GREM2: variants seen among roughly 807,000 people sequenced by gnomAD.
The protein encoded by GREM2 is gremlin 2, DAN family BMP antagonist.
In GREM2, 11 loss-of-function variants were observed where a neutral mutation model predicts 14.2. That is an observed-to-expected ratio of 0.78 (90% CI 0.49 to 1.28). The LOEUF (loss-of-function observed/expected upper bound fraction) is 1.28. Among genes scored for constraint, GREM2 ranks in the 50% most tolerant of loss-of-function variants. The pLI is 0.00. For synonymous variants in GREM2, 98 were observed against 97.6 expected, an observed-to-expected ratio of 1.00 and a Z score of -0.02; for missense variants, 210 against 218.5, an observed-to-expected ratio of 0.96 and a Z score of 0.24.
At chr1:240,552,352 G>T (rs748079011) in intron 1 of GREM2, among the ~76,000 whole-genome samples, 11 of 152,056 alleles carry the variant, frequency 7.2e-5, no homozygotes, top group South Asian at 2.1e-4. Context: ...AGGCTGAGGT[G>T]GGGGGGTCGC....
chr1:240,607,009 G>A (rs1327487167), intron 1 of GREM2, among the ~76,000 whole-genome samples: 1 of 152,190 alleles, frequency 6.6e-6, no homozygotes, highest in Admixed American at 6.5e-5. Context: ...ATGCTTGACT[G>A]TGTCACTTTT....
chr1:240,609,205 C>T (rs769666799), intron 1 of GREM2, among the ~76,000 whole-genome samples: 2 of 152,040 alleles, frequency 1.3e-5, no homozygotes, highest in African/African-American at 4.8e-5. Context: ...CACCCGCTCA[C>T]GTTCCATCCC....
chr1:240,553,939 A>G (rs945790866), intron 1 of GREM2, among the ~76,000 whole-genome samples: 1 of 152,182 alleles, frequency 6.6e-6, no homozygotes, highest in Non-Finnish European at 1.5e-5. Flanking sequence ...GTCAAGAGTG[A>G]GCAATCAGCT....
intron 1 of GREM2, among the ~76,000 whole-genome samples, chr1:240,541,705 G>A (rs1192083474): frequency 6.6e-6 from 1 of 151,276 alleles, no homozygotes; most frequent in Non-Finnish European, 1.5e-5. Flanking sequence ...TTTTTTTGAA[G>A]TAAGTATACT....
At chr1:240,514,282 T>G in intron 1 of GREM2, among the ~76,000 whole-genome samples, 1 of 122,626 alleles carries the variant, frequency 8.2e-6, no homozygotes, top group South Asian at 2.7e-4. Flanking sequence ...GTTTCAGAAA[T>G]AAAAACAACG....
chr1:240,542,600 C>T lies in GREM2; in HGVS notation c.-1-49124G>A, dbSNP rs184123959. On this transcript the variant is annotated intron_variant, in intron 1 of 1. Coordinates refer to ENST00000318160, the MANE Select transcript of GREM2 (RefSeq NM_022469.4). This position sits in a 1 kb window ranked among gnomAD's most constrained non-coding sequence, Gnocchi z 4.1. ...CCTGCACTCCAGCCTAGTGACAGAG[C>T]GAGACTCCATCTCAAAAATAAATAA... 6.5e-4 allele frequency among the ~76,000 whole-genome samples: 98 copies of T among 151,676 alleles called. No homozygotes were observed. Among genetic ancestry groups the T allele is most frequent in the South Asian group, 3.1e-3 (15 of 4,788 alleles).
chr1:240,546,438 C>CA (rs1558157448), intron 1 of GREM2, among the ~76,000 whole-genome samples: 1 of 152,058 alleles, frequency 6.6e-6, no homozygotes, highest in African/African-American at 2.4e-5. Flanking sequence ...CCCAGTGCTA[C>CA]ACTCACACCC....
chr1:240,597,333 A>G (rs1247410091), intron 1 of GREM2, among the ~76,000 whole-genome samples: 2 of 152,226 alleles, frequency 1.3e-5, no homozygotes, highest in African/African-American at 4.8e-5. Flanking sequence ...TTGTAGTTCC[A>G]GGAGCTAGGA....
intron 1 of GREM2, among the ~76,000 whole-genome samples, chr1:240,571,352 C>G (rs1407209689): frequency 6.6e-6 from 1 of 152,058 alleles, no homozygotes; most frequent in Admixed American, 6.6e-5. Context: ...TCTAAGATTC[C>G]TCTAAAATAA....
chr1:240,503,648 C>T (rs1180206963), intron 1 of GREM2, among the ~76,000 whole-genome samples: 1 of 152,164 alleles, frequency 6.6e-6, no homozygotes, highest in East Asian at 1.9e-4. Context: ...GTTCTATCTA[C>T]CACATGCAAG....
At chr1:240,526,430 C>T (rs1678223040) in intron 1 of GREM2, among the ~76,000 whole-genome samples, 1 of 152,192 alleles carries the variant, frequency 6.6e-6, no homozygotes, top group Admixed American at 6.5e-5. Context: ...GCTCAGTCTT[C>T]ACTGTGCCTT....
chr1:240,503,669 A>G (rs1038519547), intron 1 of GREM2, among the ~76,000 whole-genome samples: 4 of 151,942 alleles, frequency 2.6e-5, no homozygotes, highest in Admixed American at 2.6e-4. Context: ...GCTGCTTTCC[A>G]CTCCCATATA....
At chr1:240,534,843 A>C (rs13374186) in intron 1 of GREM2, among the ~76,000 whole-genome samples, 1 of 152,126 alleles carries the variant, frequency 6.6e-6, no homozygotes, top group Admixed American at 6.5e-5. Context: ...ATGGGCGGGA[A>C]GAAGGGACAG....
At chr1:240,533,487 C>A (rs1678407644) in intron 1 of GREM2, among the ~76,000 whole-genome samples, 1 of 152,106 alleles carries the variant, frequency 6.6e-6, no homozygotes, top group African/African-American at 2.4e-5. Context: ...CCTGAAGAAA[C>A]GAGGGAGTCC....
intron 1 of GREM2, among the ~76,000 whole-genome samples, chr1:240,511,006 G>A (rs763951347): frequency 1.2e-4 from 19 of 152,296 alleles, no homozygotes; most frequent in Non-Finnish European, 2.5e-4. Flanking sequence ...AACTTTCAAT[G>A]ACTATCTAAT....
At chr1:240,588,182 G>A (rs1011536954) in intron 1 of GREM2, among the ~76,000 whole-genome samples, 2 of 152,150 alleles carry the variant, frequency 1.3e-5, no homozygotes, top group African/African-American at 4.8e-5. Flanking sequence ...TCAGTGTTTT[G>A]CACTGTTTTT....
chr1:240,569,786 G>C (rs758018538), intron 1 of GREM2, among the ~76,000 whole-genome samples: 25 of 152,150 alleles, frequency 1.6e-4, no homozygotes, highest in Non-Finnish European at 3.1e-4. Context: ...TGTGTTAGGA[G>C]ATTTCTTATA....
At position 240,542,067 on chromosome 1, in the gene GREM2, G is replaced by A. The variant is rs1157023871; in HGVS notation, c.-1-48591C>T. Among the ~76,000 whole-genome samples, 1 of 152,028 alleles carries A rather than the reference G, an allele frequency of 6.6e-6. No individual in the cohort carries two copies. Among genetic ancestry groups the A allele is most frequent in the Non-Finnish European group, 1.5e-5 (1 of 68,000 alleles). ...TTTGTCAATGTGTGGAGGCATTTTTGGTCATCACCACTATGACGGCTGCTA... is the reference window on the plus strand; with the variant it reads ...TTTGTCAATGTGTGGAGGCATTTTTAGTCATCACCACTATGACGGCTGCTA... On this transcript the variant is annotated intron_variant, in intron 1 of 1. Transcript: ENST00000318160. The surrounding 1 kb of genome is among the most constrained non-coding windows in gnomAD (Gnocchi z 4.1).
At chr1:240,548,838 G>C (rs2103335532) in intron 1 of GREM2, among the ~76,000 whole-genome samples, 1 of 152,258 alleles carries the variant, frequency 6.6e-6, no homozygotes, top group East Asian at 1.9e-4. Context: ...TGGTTAGAAA[G>C]AAAACTTGAC....
Sources: allele counts gnomAD v4.1 joint callset (sites outside exome capture counted in the v4.1 genomes callset), GRCh38; gene constraint gnomAD v4.1.1; non-coding constraint Gnocchi (gnomAD v3.1); transcripts MANE v1.5; gene names NCBI Gene and HGNC (gene_info 2026-07-23, HGNC 2026-07-21).